Variants in DAB2 observed in about 807,000 individuals in gnomAD.
The protein encoded by DAB2 is disabled homolog 2.
Under a neutral mutation model 71.6 loss-of-function variants are expected in DAB2, and 28 were observed. That is an observed-to-expected ratio of 0.39 (90% CI 0.29 to 0.54). DAB2 has a LOEUF of 0.54. Ranked by LOEUF, DAB2 falls within the 20% of genes least tolerant of loss-of-function variation. The probability of loss-of-function intolerance (pLI) is 0.68; values close to 1 mark genes in which losing one functional copy is unlikely to be tolerated. For synonymous variants in DAB2, 345 were observed against 339.7 expected (o/e 1.02, Z -0.17); for missense variants, 867 against 928.8 (o/e 0.93, Z 0.86).
chr5:39,421,841 G>A (rs1392731311), intron 1 of DAB2, among the ~76,000 whole-genome samples: 1 of 151,354 alleles, frequency 6.6e-6, no homozygotes, highest in Admixed American at 6.6e-5. Context: ...TGGATCACTT[G>A]AGGTCAGGAG....
chr5:39,387,566 C>G (rs758130181), intron 9 of DAB2: 1 of 152,088 alleles, frequency 6.6e-6, no homozygotes, highest in East Asian at 1.9e-4. Flanking sequence ...GAAACTGTTA[C>G]ATAAATAAAA....
At chr5:39,385,907 C>G (rs1755089527) in intron 9 of DAB2, among the ~76,000 whole-genome samples, 2 of 152,164 alleles carry the variant, frequency 1.3e-5, no homozygotes, top group Non-Finnish European at 2.9e-5. Context: ...TTCAAAGACC[C>G]AACTCAAATT....
intron 1 of DAB2, among the ~76,000 whole-genome samples, chr5:39,407,242 C>T (rs746315403): frequency 1.1e-4 from 17 of 152,282 alleles, no homozygotes; most frequent in Middle Eastern, 6.8e-3. Flanking sequence ...CTGTTTGTGA[C>T]GGAGTCTCGC....
intron 1 of DAB2, among the ~76,000 whole-genome samples, chr5:39,401,761 A>AC (rs1755504250): frequency 1.3e-5 from 2 of 150,746 alleles, no homozygotes; most frequent in South Asian, 2.1e-4. Context: ...TTATTTATTT[A>AC]TTTATTTTTG....
At chr5:39,410,991 T>C (rs1367956524) in intron 1 of DAB2, among the ~76,000 whole-genome samples, 6 of 152,256 alleles carry the variant, frequency 3.9e-5, no homozygotes, top group Non-Finnish European at 7.4e-5. Context: ...AAATCTGACT[T>C]AACACTGGGA....
chr5:39,380,440 CCCT>C (rs1471760113), intron 11 of DAB2, among the ~76,000 whole-genome samples: 3 of 152,154 alleles, frequency 2.0e-5, no homozygotes, highest in Admixed American at 2.0e-4. Flanking sequence ...AAGCCAGGAT[CCCT>C]GGTCAGATTT....
chr5:39,384,062 A>T (rs1201508696), intron 9 of DAB2, among the ~76,000 whole-genome samples: 1 of 152,184 alleles, frequency 6.6e-6, no homozygotes, highest in Non-Finnish European at 1.5e-5. Flanking sequence ...TTAGTCAATC[A>T]CACATTAAGA....
chr5:39,389,362 A>T (rs926911995), intron 6 of DAB2, among the ~76,000 whole-genome samples: 12 of 152,204 alleles, frequency 7.9e-5, no homozygotes, highest in Non-Finnish European at 1.6e-4. Context: ...AGAGAGAAAA[A>T]AAATAAAAGC....
At chr5:39,417,002 C>T (rs1755863519) in intron 1 of DAB2, among the ~76,000 whole-genome samples, 1 of 152,062 alleles carries the variant, frequency 6.6e-6, no homozygotes, top group African/African-American at 2.4e-5. Flanking sequence ...GCCAATAGAG[C>T]CAGGTTAAGT....
chr5:39,377,049 C>A lies in DAB2; in HGVS notation c.1738G>T (p.Ala580Ser). 6 of 1,614,108 alleles carry A rather than the reference C, an allele frequency of 3.7e-6. No individual in the cohort carries two copies. Among genetic ancestry groups the A allele is most frequent in the Non-Finnish European group, 5.1e-6 (6 of 1,180,014 alleles). ...CTTGTTGTTGACCAAGCATTGGGTG[C>A]CACAGATGCAGAAGGGCCCCAGACA... ...PVVWGPSASVAPNAWSTTSPL... is the reference protein window; with the variant it reads ...PVVWGPSASVSPNAWSTTSPL... The change falls in exon 12 of 15, where the codon GCA (alanine) becomes TCA (serine). Residue 580 changes from alanine to serine, a missense_variant. Around this residue, in one of 2 missense-constraint regions of DAB2, gnomAD observed 740 missense variants for 734.3 expected, o/e 1.01. Transcript: ENST00000320816.
chr5:39,396,509 C>T (rs1350682598), intron 1 of DAB2, among the ~76,000 whole-genome samples: 1 of 152,186 alleles, frequency 6.6e-6, no homozygotes. Context: ...GTAATGAGGG[C>T]AGTTGTAGCT....
chr5:39,374,795 G>T, intron 14 of DAB2: 1 of 474,140 alleles, frequency 2.1e-6, no homozygotes, highest in East Asian at 4.0e-5. Context: ...ACATCCCCAA[G>T]GGTATATTAC....
At chr5:39,374,476 C>A (rs3776520) in intron 14 of DAB2, among the ~76,000 whole-genome samples, 7,076 of 152,170 alleles carry the variant, frequency 0.047, 497 homozygotes, top group East Asian at 0.21. Flanking sequence ...CTCCTACTGC[C>A]TATGAAGGAG....
rs756500665 is a variant in DAB2, at chr5:39,375,002, T to A, written c.*5+12A>T. On this transcript the variant is annotated intron_variant, in intron 14 of 14. Transcript: ENST00000320816. ...AACCCCTGAGACAGGCTTATTAGGATCTTCTACTTACAGAATTTAGGCAAA... is the reference window on the plus strand; with the variant it reads ...AACCCCTGAGACAGGCTTATTAGGAACTTCTACTTACAGAATTTAGGCAAA... 3 of 1,563,836 alleles carry A rather than the reference T, an allele frequency of 1.9e-6. No individual in the cohort carries two copies. Among genetic ancestry groups the A allele is most frequent in the Non-Finnish European group, 2.6e-6 (3 of 1,135,578 alleles).
chr5:39,409,283 G>C (rs773521062), intron 1 of DAB2, among the ~76,000 whole-genome samples: 4 of 152,044 alleles, frequency 2.6e-5, no homozygotes, highest in Non-Finnish European at 4.4e-5. Flanking sequence ...TGTTTTGTGG[G>C]AATAAATAAA....
At chr5:39,402,764 C>T (rs1755531817) in intron 1 of DAB2, among the ~76,000 whole-genome samples, 1 of 152,104 alleles carries the variant, frequency 6.6e-6, no homozygotes, top group African/African-American at 2.4e-5. Flanking sequence ...AGATGGTTTG[C>T]CAGTGTAAGA....
chr5:39,419,982 G>A (rs1755941867), intron 1 of DAB2, among the ~76,000 whole-genome samples: 1 of 152,192 alleles, frequency 6.6e-6, no homozygotes, highest in Admixed American at 6.5e-5. Flanking sequence ...CACTGAAGAA[G>A]TGAATCCTAA....
At chr5:39,402,767 G>A (rs1460879691) in intron 1 of DAB2, among the ~76,000 whole-genome samples, 17 of 152,154 alleles carry the variant, frequency 1.1e-4, no homozygotes, top group Non-Finnish European at 2.9e-5. Flanking sequence ...TGGTTTGCCA[G>A]TGTAAGAGCC....
intron 7 of DAB2, 37 bp downstream of exon 7, chr5:39,389,060 C>T (rs1240128371): frequency 6.2e-7 from 1 of 1,605,438 alleles, no homozygotes; most frequent in Non-Finnish European, 8.5e-7. Flanking sequence ...ACGCATGTCA[C>T]ACACATGATT....
Sources: allele counts gnomAD v4.1 joint callset (sites outside exome capture counted in the v4.1 genomes callset), GRCh38; gene constraint gnomAD v4.1.1; regional missense constraint gnomAD v4.1.1; transcripts MANE v1.5; gene names NCBI Gene and HGNC (gene_info 2026-07-23, HGNC 2026-07-21).